FMN1: variants seen among roughly 807,000 people sequenced by gnomAD.
FMN1 encodes formin-1.
FMN1 carries 110 observed loss-of-function variants against 132.4 expected under a neutral mutation model. That is an observed-to-expected ratio of 0.83 (90% CI 0.71 to 0.97). The LOEUF is 0.97. Ranked by LOEUF, FMN1 falls within the 50% of genes least tolerant of loss-of-function variation. The pLI, the probability that FMN1 is intolerant of heterozygous loss-of-function variation, is 0.00. For missense variants in FMN1, 1,792 were observed against 1,705.3 expected, an observed-to-expected ratio of 1.05 and a Z score of -0.90; for synonymous variants, 722 against 651.7, an observed-to-expected ratio of 1.11 and a Z score of -1.64.
intron 7 of FMN1, among the ~76,000 whole-genome samples, chr15:32,998,422 C>T (rs532085726): frequency 1.3e-5 from 2 of 152,298 alleles, no homozygotes; most frequent in Admixed American, 6.5e-5. Context: ...ACTCTTTTCC[C>T]AGGCCAGAAA....
At chr15:32,847,201 G>A (rs995855203) in intron 17 of FMN1, among the ~76,000 whole-genome samples, 19 of 152,028 alleles carry the variant, frequency 1.2e-4, no homozygotes, top group Non-Finnish European at 2.5e-4. Context: ...GTAAAAATCA[G>A]TTTAAGGTAT....
intron 3 of FMN1, among the ~76,000 whole-genome samples, chr15:33,163,397 C>A (rs141068365): frequency 1.3e-5 from 2 of 151,410 alleles, no homozygotes; most frequent in African/African-American, 4.8e-5. Context: ...TGGATTCAAG[C>A]GATTCTCCTG....
intron 6 of FMN1, among the ~76,000 whole-genome samples, chr15:33,059,117 C>G (rs556083262): frequency 6.6e-6 from 1 of 152,232 alleles, no homozygotes; most frequent in African/African-American, 2.4e-5. Flanking sequence ...TTATTAGATT[C>G]CACATATAAG....
chr15:33,005,836 C>A (rs565621705), intron 7 of FMN1, among the ~76,000 whole-genome samples: 2 of 152,238 alleles, frequency 1.3e-5, no homozygotes, highest in South Asian at 4.1e-4. Context: ...AATCTTTTTT[C>A]ACATCAGAAC....
chr15:33,138,825 C>T (rs1199677875), intron 4 of FMN1, among the ~76,000 whole-genome samples: 1 of 152,142 alleles, frequency 6.6e-6, no homozygotes, highest in African/African-American at 2.4e-5. Flanking sequence ...AGGGCAGAGG[C>T]TAGGAGCAGC....
chr15:32,949,982 C>CATATATATAT (rs1332663662), intron 9 of FMN1, among the ~76,000 whole-genome samples: 102 of 5,902 alleles, frequency 0.017, 25 homozygotes, highest in Non-Finnish European at 0.036. Context: ...TATATATACA[C>CATATATATAT]ACACATATAT....
chr15:32,871,577 AC>A (rs2059518365), intron 16 of FMN1, among the ~76,000 whole-genome samples: 1 of 152,194 alleles, frequency 6.6e-6, no homozygotes, highest in Non-Finnish European at 1.5e-5. Flanking sequence ...CTGTGTCCAT[AC>A]AAACTTATTC....
intron 19 of FMN1, among the ~76,000 whole-genome samples, chr15:32,794,085 A>G (rs1595926484): frequency 6.6e-6 from 1 of 152,276 alleles, no homozygotes; most frequent in East Asian, 1.9e-4. Flanking sequence ...TATCTTCTGT[A>G]AAGGGTACAG....
intron 3 of FMN1, among the ~76,000 whole-genome samples, chr15:33,177,370 A>G (rs936321022): frequency 3.3e-5 from 5 of 152,186 alleles, no homozygotes; most frequent in Admixed American, 6.5e-5. Flanking sequence ...TTCACCTGAG[A>G]TGGTTTCTAC....
rs954804900 is a variant in FMN1, at chr15:33,050,266, T to C, written c.2161+14691A>G. Among the ~76,000 whole-genome samples, 7 of 152,218 alleles carry C rather than the reference T, an allele frequency of 4.6e-5. No individual in the cohort carries two copies. The East Asian group carries it at 1.3e-3, about 29-fold the overall frequency. The stretch of plus-strand genomic sequence containing the variant: ...CATCTGTATACATATTGTTAAACTT[T>C]AGGTTGGAAAATGCTTCCTTTAGAC... On this transcript the variant is annotated intron_variant, in intron 6 of 20. Coordinates refer to ENST00000616417, the MANE Select transcript of FMN1 (RefSeq NM_001277313.2).
At chr15:33,131,730 G>A (rs1963558585) in intron 4 of FMN1, among the ~76,000 whole-genome samples, 1 of 152,138 alleles carries the variant, frequency 6.6e-6, no homozygotes, top group East Asian at 1.9e-4. Context: ...ATGGGGAGGG[G>A]AGGTCTGAGC....
rs187494338 is a variant in FMN1 at position 33,063,573 on chromosome 15, G to T, written c.2161+1384C>A. The T allele has an allele frequency of 7.2e-5, 11 of 152,242 alleles. No homozygotes were observed. The East Asian group carries it at 2.1e-3, about 29-fold the overall frequency. 9.4% of individuals were successfully genotyped at this position (152,242 alleles called of 1,614,324 possible). A position where few individuals can be genotyped will look rare whatever the true frequency, so the allele number is the denominator to read the frequency against. ...TCTCCTCAAATCACTCCATTTGAGTGCCACCTGATTCCTGATTAGTACGAC... is the reference window on the plus strand; with the variant it reads ...TCTCCTCAAATCACTCCATTTGAGTTCCACCTGATTCCTGATTAGTACGAC... On this transcript the variant is annotated intron_variant, in intron 6 of 20. Transcript: ENST00000616417.
At chr15:32,877,220 G>T (rs911385594) in intron 16 of FMN1, among the ~76,000 whole-genome samples, 3 of 151,520 alleles carry the variant, frequency 2.0e-5, no homozygotes, top group Non-Finnish European at 4.4e-5. Context: ...CCGGGAGGCG[G>T]AAGTTGCAGT....
chr15:32,935,220 C>T (rs116487926), intron 9 of FMN1, among the ~76,000 whole-genome samples: 1,998 of 152,036 alleles, frequency 0.013, 40 homozygotes, highest in African/African-American at 0.046. Context: ...TGCACCCAGC[C>T]GATAGACAGT....
chr15:32,847,527 G>A (rs574829652), intron 17 of FMN1, among the ~76,000 whole-genome samples: 1 of 151,594 alleles, frequency 6.6e-6, no homozygotes, highest in African/African-American at 2.4e-5. Context: ...GAGGTCAGGA[G>A]TTCCAGAAAA....
At chr15:33,131,637 A>C (rs551739181) in intron 4 of FMN1, among the ~76,000 whole-genome samples, 1 of 152,260 alleles carries the variant, frequency 6.6e-6, no homozygotes, top group African/African-American at 2.4e-5. Flanking sequence ...TGTGAGTTTC[A>C]TGCAGAGAGA....
At chr15:33,128,627 T>C (rs993547257) in intron 4 of FMN1, among the ~76,000 whole-genome samples, 2 of 152,214 alleles carry the variant, frequency 1.3e-5, no homozygotes, top group Non-Finnish European at 1.5e-5. Flanking sequence ...GCGGCAAGTG[T>C]TACAGCTCTT....
intron 4 of FMN1, among the ~76,000 whole-genome samples, chr15:33,120,231 A>G (rs1348037232): frequency 6.6e-6 from 1 of 152,218 alleles, no homozygotes; most frequent in Non-Finnish European, 1.5e-5. Context: ...TTTGAAGAAC[A>G]TTAAACATAA....
intron 13 of FMN1, 73 bp from the exon 14 acceptor site, chr15:32,900,198 G>A (rs770959797): frequency 5.7e-5 from 86 of 1,517,324 alleles, no homozygotes; most frequent in East Asian, 6.8e-5. Context: ...AACAAATATC[G>A]ACTGTGTACT....
Sources: allele counts gnomAD v4.1 joint callset (sites outside exome capture counted in the v4.1 genomes callset), GRCh38; gene constraint gnomAD v4.1.1; transcripts MANE v1.5; gene names NCBI Gene and HGNC (gene_info 2026-07-23, HGNC 2026-07-21).